RWDD2B: variants seen among roughly 807,000 people sequenced by gnomAD.
RWDD2B encodes RWD domain containing 2B.
RWDD2B carries 36 observed loss-of-function variants against 33.6 expected under a neutral mutation model. The ratio of observed to expected loss-of-function variants is 1.07; its 90% CI spans 0.82 to 1.42. RWDD2B has a LOEUF of 1.42. Ranked by LOEUF, RWDD2B falls within the 40% of genes most tolerant of loss-of-function variation. The pLI, the probability that RWDD2B is intolerant of heterozygous loss-of-function variation, is 0.00. For missense variants in RWDD2B, 364 were observed against 377.5 expected (o/e 0.96, Z 0.30); for synonymous variants, 126 against 133.1 (o/e 0.95, Z 0.37).
Position 29,011,583 on chromosome 21 carries a change from GAGGTGGGGGGGGTCAGCCCCCC to G in RWDD2B, c.68-2984_68-2963del, listed in dbSNP as rs1386231644. On this transcript the variant is annotated intron_variant, in intron 1 of 4. Transcript: ENST00000493196. ...CCGGCCAGCCGCCCCTTCCGGGAGG[GAGGTGGGGGGGGTCAGCCCCCC>G]ACCCGGCCAGCCGCCCCGTCCGGGA... Among the ~76,000 whole-genome samples, 1,052 of 146,176 alleles carry G rather than the reference GAGGTGGGGGGGGTCAGCCCCCC, an allele frequency of 7.2e-3. 11 individuals are homozygous for G. The highest frequency in any genetic ancestry group is 0.025 in the African/African-American group (1,005 of 39,454).
chr21:29,019,157 G>C (rs1159040067), intron 1 of RWDD2B, 54 bp downstream of exon 1: 2 of 1,431,870 alleles, frequency 1.4e-6, no homozygotes, highest in South Asian at 1.2e-5. Flanking sequence ...GGGCGCTGCA[G>C]CGTGGGAAAC....
At chr21:29,009,255 A>G (rs1057368517) in intron 1 of RWDD2B, among the ~76,000 whole-genome samples, 1 of 151,914 alleles carries the variant, frequency 6.6e-6, no homozygotes, top group African/African-American at 2.4e-5. Flanking sequence ...GCCCGGCTTC[A>G]TTTTTTATTT....
At chr21:29,015,461 C>T (rs927765884) in intron 1 of RWDD2B, among the ~76,000 whole-genome samples, 5 of 150,842 alleles carry the variant, frequency 3.3e-5, no homozygotes, top group Non-Finnish European at 7.4e-5. Flanking sequence ...GAAATCCTGA[C>T]CTTGTGATCC....
At chr21:29,016,662 A>T (rs2084891845) in intron 1 of RWDD2B, among the ~76,000 whole-genome samples, 2 of 152,210 alleles carry the variant, frequency 1.3e-5, no homozygotes, top group Non-Finnish European at 2.9e-5. Flanking sequence ...GTTGAGAAAC[A>T]TAAAAAACAA....
At chr21:29,019,094 C>G in intron 1 of RWDD2B, 117 bp downstream of exon 1, 2 of 795,906 alleles carry the variant, frequency 2.5e-6, no homozygotes, top group Non-Finnish European at 4.1e-6. Flanking sequence ...TGGGCGCATG[C>G]AGTGAGGGGA....
At chr21:29,014,370 A>C (rs2084879450) in intron 1 of RWDD2B, among the ~76,000 whole-genome samples, 1 of 152,148 alleles carries the variant, frequency 6.6e-6, no homozygotes, top group Non-Finnish European at 1.5e-5. Flanking sequence ...TGATGACAGG[A>C]ATGTTACATT....
chr21:29,018,095 C>A (rs1200661388), intron 1 of RWDD2B, among the ~76,000 whole-genome samples: 1 of 152,150 alleles, frequency 6.6e-6, no homozygotes, highest in Non-Finnish European at 1.5e-5. Context: ...GATATAGACA[C>A]CGCAATAACT....
rs766181171 is a variant in RWDD2B, at chr21:29,008,462, A to G, written c.227T>C (p.Met76Thr). The G allele has an allele frequency of 6.8e-6, 11 of 1,614,024 alleles. No homozygotes were observed. The highest frequency in any genetic ancestry group is 3.3e-5 in the Admixed American group (2 of 59,998). The change falls in exon 2 of 5, where the codon ATG becomes ACG. Residue 76 changes from methionine (M) to threonine (T), a missense_variant. Coordinates refer to ENST00000493196, the MANE Select transcript of RWDD2B (RefSeq NM_016940.3). ...ELKDCIEKKTMEGRSSKVYFT... is the reference protein window; with the variant it reads ...ELKDCIEKKTTEGRSSKVYFT... ...GTAGACTTTTGAAGATCGCCCCTCCATTGTCTTCTTTTCAATACAATCTTT... is the reference window on the plus strand; with the variant it reads ...GTAGACTTTTGAAGATCGCCCCTCCGTTGTCTTCTTTTCAATACAATCTTT...
At chr21:29,015,329 C>T (rs997968813) in intron 1 of RWDD2B, among the ~76,000 whole-genome samples, 11 of 135,194 alleles carry the variant, frequency 8.1e-5, no homozygotes, top group Non-Finnish European at 1.1e-4. Flanking sequence ...CTCCCAGGTT[C>T]AAGCAATTCT....
At chr21:29,012,187 G>A (rs990012852) in intron 1 of RWDD2B, among the ~76,000 whole-genome samples, 1 of 104,628 alleles carries the variant, frequency 9.6e-6, no homozygotes, top group Non-Finnish European at 2.1e-5. Context: ...GCCCCCCCCC[G>A]GGAGGTGAGG....
rs532143873 is a variant in RWDD2B, at chr21:29,010,581, T to C, written c.68-1960A>G. On this transcript the variant is annotated intron_variant, in intron 1 of 4. Transcript: ENST00000493196. ...GAGATCGTGCCATTGCACTCCAGCCTGGGCAAAAAGAGTGAAACTCCGTCT... is the reference window on the plus strand; with the variant it reads ...GAGATCGTGCCATTGCACTCCAGCCCGGGCAAAAAGAGTGAAACTCCGTCT... 1.1e-3 allele frequency among the ~76,000 whole-genome samples: 58 copies of C among 50,756 alleles called. 1 individual carries two copies. The highest frequency in any genetic ancestry group is 4.2e-3 in the African/African-American group (54 of 12,886). 33.3% of individuals were successfully genotyped at this position (50,756 alleles called of 152,430 possible).
intron 1 of RWDD2B, among the ~76,000 whole-genome samples, chr21:29,016,294 C>T (rs11910691): frequency 0.011 from 1,659 of 151,462 alleles, 26 homozygotes; most frequent in African/African-American, 0.037. Context: ...GACGGAGTTT[C>T]GCTCTTGTTG....
intron 1 of RWDD2B, among the ~76,000 whole-genome samples, chr21:29,014,323 T>G (rs377266504): frequency 1.3e-4 from 20 of 152,338 alleles, no homozygotes; most frequent in Middle Eastern, 3.4e-3. Flanking sequence ...TTTGGGAACT[T>G]TTTCAACCCT....
chr21:29,014,769 C>G lies in RWDD2B; in HGVS notation c.67+4442G>C, dbSNP rs537289330. On this transcript the variant is annotated intron_variant, in intron 1 of 4. Transcript: ENST00000493196. Reference sequence around the variant, plus strand: ...CCAGGAGGCAGAGCTTTCAGTGAGCCGAGATACAGCCACTGCACTCCAGCC... The same window carrying G: ...CCAGGAGGCAGAGCTTTCAGTGAGCGGAGATACAGCCACTGCACTCCAGCC... Among the ~76,000 whole-genome samples the G allele has an allele frequency of 6.6e-5, 10 of 152,076 alleles. No homozygotes were observed. In the East Asian group the frequency reaches 1.7e-3, roughly 26 times the overall value.
rs1001666453 is a variant in RWDD2B, at chr21:29,004,871, G to T, written c.*1546C>A. ...TTCTACATTGTATTACATAATATATGCTGTCTTTTACTAACTGATTCATTT... is the reference window on the plus strand; with the variant it reads ...TTCTACATTGTATTACATAATATATTCTGTCTTTTACTAACTGATTCATTT... On this transcript the variant is annotated 3_prime_UTR_variant, in exon 5 of 5. Transcript: ENST00000493196. 6.6e-6 allele frequency: 1 copy of T among 152,072 alleles called. No homozygotes were observed. The highest frequency in any genetic ancestry group is 6.6e-5 in the Admixed American group (1 of 15,256). 9.4% of individuals were successfully genotyped at this position (152,072 alleles called of 1,614,324 possible).
chr21:29,011,186 C>T (rs532279790), intron 1 of RWDD2B, among the ~76,000 whole-genome samples: 3 of 150,328 alleles, frequency 2.0e-5, no homozygotes, highest in Admixed American at 1.3e-4. Context: ...AAGTGAGGAG[C>T]GTCTCTGCCC....
At chr21:29,014,203 T>A (rs972665985) in intron 1 of RWDD2B, among the ~76,000 whole-genome samples, 1 of 152,182 alleles carries the variant, frequency 6.6e-6, no homozygotes, top group Non-Finnish European at 1.5e-5. Flanking sequence ...TGAGAGCAAG[T>A]GCAAGAGAGA....
Position 29,005,721 on chromosome 21 carries a change from G to C in RWDD2B, c.*696C>G, listed in dbSNP as rs1339735318. The C allele has an allele frequency of 1.3e-5, 2 of 152,210 alleles. No individual in the cohort carries two copies. The highest frequency in any genetic ancestry group is 6.5e-5 in the Admixed American group (1 of 15,272). The allele number at this position is 152,210 out of a possible 1,614,324, so 9.4% of individuals were successfully genotyped here. A position where few individuals can be genotyped will look rare whatever the true frequency, so the allele number is the denominator to read the frequency against. ...CCATTGCACTCTAGCCCGGGCGACA[G>C]AGCAAGACTCCGTCTATTTAAAAAA... On this transcript the variant is annotated 3_prime_UTR_variant, in exon 5 of 5. Transcript: ENST00000493196.
intron 1 of RWDD2B, among the ~76,000 whole-genome samples, chr21:29,015,248 G>A (rs1292209913): frequency 3.1e-4 from 3 of 9,640 alleles, no homozygotes; most frequent in Non-Finnish European, 7.6e-4. Context: ...TTTTTTTTTT[G>A]AGATGGGAGT....
Sources: gnomAD v4.1 joint callset for allele counts (sites outside exome capture counted in the v4.1 genomes callset) on GRCh38, gnomAD v4.1.1 for gene constraint, MANE v1.5 for transcripts, NCBI Gene and HGNC (gene_info 2026-07-23, HGNC 2026-07-21) for gene names.